The following PTGER3 variants were observed in gnomAD, a reference collection of about 807,000 sequenced individuals.
The protein encoded by PTGER3 is prostaglandin E receptor 3.
PTGER3 carries 22 observed loss-of-function variants against 34.7 expected under a neutral mutation model. The observed-to-expected ratio is 0.63, with a 90% confidence interval of 0.45 to 0.91. The LOEUF is 0.91. PTGER3 is among the 40% of genes least tolerant of loss of function. PTGER3 has a pLI of 0.00. For missense variants in PTGER3, 468 were observed against 519.4 expected (o/e 0.90, Z 0.96); for synonymous variants, 241 against 230.1 (o/e 1.05, Z -0.43).
At chr1:70,882,979 C>A (rs1572541348) in intron 4 of PTGER3, among the ~76,000 whole-genome samples, 1 of 152,274 alleles carries the variant, frequency 6.6e-6, no homozygotes, top group Non-Finnish European at 1.5e-5. Context: ...CATCTTGGAC[C>A]CTCTAATCTC....
At chr1:71,030,967 TA>T (rs1659360374) in intron 1 of PTGER3, among the ~76,000 whole-genome samples, 1 of 152,142 alleles carries the variant, frequency 6.6e-6, no homozygotes, top group Non-Finnish European at 1.5e-5. Flanking sequence ...TACAAAAGCC[TA>T]AGATCTACTA....
At chr1:70,914,733 T>G (rs1220082071) in intron 4 of PTGER3, among the ~76,000 whole-genome samples, 1 of 151,888 alleles carries the variant, frequency 6.6e-6, no homozygotes, top group Non-Finnish European at 1.5e-5. Context: ...TGTTAATATA[T>G]TGAATAATAG....
At chr1:70,977,768 A>G (rs923915138) in intron 2 of PTGER3, among the ~76,000 whole-genome samples, 6 of 151,978 alleles carry the variant, frequency 3.9e-5, no homozygotes, top group African/African-American at 1.5e-4. Context: ...TGTCTTGGGA[A>G]ACCAATACAC....
At chr1:71,040,856 G>C (rs774732528) in intron 1 of PTGER3, among the ~76,000 whole-genome samples, 3 of 152,100 alleles carry the variant, frequency 2.0e-5, no homozygotes, top group South Asian at 2.1e-4. Flanking sequence ...ATGAAGGAAG[G>C]CTTCGCTAGA....
At chr1:70,982,941 T>C (rs1043162840) in intron 2 of PTGER3, among the ~76,000 whole-genome samples, 1 of 152,004 alleles carries the variant, frequency 6.6e-6, no homozygotes, top group East Asian at 1.9e-4. Context: ...ATACAGAACA[T>C]ATACAGTGAT....
chr1:70,978,386 A>T (rs1439390742), intron 2 of PTGER3, among the ~76,000 whole-genome samples: 1 of 152,192 alleles, frequency 6.6e-6, no homozygotes, highest in African/African-American at 2.4e-5. Context: ...ATAAGGGTAG[A>T]ACTAAATTTT....
At chr1:70,939,589 A>T (rs1649567997) in intron 4 of PTGER3, among the ~76,000 whole-genome samples, 1 of 152,248 alleles carries the variant, frequency 6.6e-6, no homozygotes, top group Admixed American at 6.5e-5. Context: ...ATCTAGGTGG[A>T]GGTTCCCAAA....
At chr1:71,024,913 A>G (rs867376462) in intron 1 of PTGER3, among the ~76,000 whole-genome samples, 5 of 105,960 alleles carry the variant, frequency 4.7e-5, no homozygotes, top group African/African-American at 2.0e-4. Flanking sequence ...TTATTTATTT[A>G]TTTATTTTTA....
chr1:70,982,379 T>G (rs1168847484), intron 2 of PTGER3, among the ~76,000 whole-genome samples: 1 of 152,134 alleles, frequency 6.6e-6, no homozygotes, highest in East Asian at 1.9e-4. Context: ...ATTCCTGATG[T>G]CTGACAGATC....
intron 4 of PTGER3, among the ~76,000 whole-genome samples, chr1:70,868,160 C>A (rs879586983): frequency 6.6e-6 from 1 of 151,880 alleles, no homozygotes; most frequent in African/African-American, 2.4e-5. Context: ...CACCCAGTCC[C>A]GTTTTTCCTA....
intron 2 of PTGER3, among the ~76,000 whole-genome samples, chr1:70,994,566 T>C (rs1403332640): frequency 6.6e-6 from 1 of 152,000 alleles, no homozygotes; most frequent in Admixed American, 6.6e-5. Context: ...CAAGTGATTC[T>C]CCTGCCTCAG....
At chr1:70,993,803 G>T (rs909416537) in intron 2 of PTGER3, among the ~76,000 whole-genome samples, 21 of 152,266 alleles carry the variant, frequency 1.4e-4, no homozygotes, top group African/African-American at 5.1e-4. Context: ...ACAATAAGAA[G>T]AATTGATGGA....
intron 2 of PTGER3, among the ~76,000 whole-genome samples, chr1:70,960,206 A>T (rs562781077): frequency 1.6e-4 from 24 of 152,178 alleles, no homozygotes; most frequent in Non-Finnish European, 2.6e-4. Flanking sequence ...GAGGTAATAA[A>T]TTTCTGTTGC....
intron 4 of PTGER3, among the ~76,000 whole-genome samples, chr1:70,900,595 AAG>A (rs1646814621): frequency 1.3e-5 from 2 of 152,258 alleles, no homozygotes; most frequent in African/African-American, 4.8e-5. Flanking sequence ...CATTTCTTTA[AAG>A]ATCCTATTTC....
chr1:70,931,184 C>T (rs1274396714), intron 4 of PTGER3, among the ~76,000 whole-genome samples: 1 of 152,224 alleles, frequency 6.6e-6, no homozygotes, highest in Non-Finnish European at 1.5e-5. Context: ...TCCTTTGACT[C>T]TATGTCTCGC....
chr1:70,955,194 G>C (rs1651193050), intron 2 of PTGER3, among the ~76,000 whole-genome samples: 1 of 152,096 alleles, frequency 6.6e-6, no homozygotes. Flanking sequence ...TAGGCCTTGA[G>C]GAAGTAAGTT....
At chr1:70,924,537 G>A (rs1193689227) in intron 4 of PTGER3, among the ~76,000 whole-genome samples, 1 of 152,042 alleles carries the variant, frequency 6.6e-6, no homozygotes, top group Non-Finnish European at 1.5e-5. Context: ...TTCTAATTGT[G>A]GGCACATTAG....
intron 4 of PTGER3, chr1:70,865,800 G>A (rs774152532): frequency 5.1e-6 from 7 of 1,366,608 alleles, no homozygotes; most frequent in Admixed American, 1.9e-5. Flanking sequence ...AACCTTGAAG[G>A]ATCAATCACA....
intron 4 of PTGER3, among the ~76,000 whole-genome samples, chr1:70,936,850 G>T (rs534036280): frequency 6.6e-6 from 1 of 152,212 alleles, no homozygotes; most frequent in African/African-American, 2.4e-5. Flanking sequence ...TTATTGCAGA[G>T]TCATTCTTTT....
Sources: allele counts gnomAD v4.1 joint callset (sites outside exome capture counted in the v4.1 genomes callset), GRCh38; gene constraint gnomAD v4.1.1; transcripts MANE v1.5; gene names NCBI Gene and HGNC (gene_info 2026-07-23, HGNC 2026-07-21).